OTOG: variants seen among roughly 807,000 people sequenced by gnomAD.
OTOG encodes otogelin.
OTOG carries 296 observed loss-of-function variants against 313.8 expected under a neutral mutation model. That is an observed-to-expected ratio of 0.94 (90% CI 0.86 to 1.04). OTOG has a LOEUF of 1.04. OTOG is among the 50% of genes least tolerant of loss of function. The pLI, the probability that OTOG is intolerant of heterozygous loss-of-function variation, is 0.00. For missense variants in OTOG, 3,948 were observed against 3,840.1 expected, an observed-to-expected ratio of 1.03 and a Z score of -0.74; for synonymous variants, 1,533 against 1,554.9, an observed-to-expected ratio of 0.99 and a Z score of 0.33.
chr11:17,570,227 C>T lies in OTOG; in HGVS notation c.1792C>T (p.Arg598Cys), dbSNP rs1852373944. 2 of 1,550,682 alleles carry T rather than the reference C, an allele frequency of 1.3e-6. No individual in the cohort carries two copies. The highest frequency in any genetic ancestry group is 1.7e-6 in the Non-Finnish European group (2 of 1,146,956). ...PPYTDDAFEI[R>C]RLSSVFLRVR... ...TCTGTGCCCAGATGCCTTTGAGATC[C>T]GTAGGCTGTCCTCCGTGTTCCTGCG... Residue 598 changes from arginine to cysteine, a missense_variant, in exon 17 of 56, where the codon CGT becomes TGT. Arg to Cys is a radical substitution (Grantham distance 180). Transcript: ENST00000399397.
At chr11:17,579,796 G>A (rs1176169962) in intron 23 of OTOG, among the ~76,000 whole-genome samples, 3 of 152,194 alleles carry the variant, frequency 2.0e-5, no homozygotes, top group Admixed American at 2.0e-4. Context: ...ACTGCCAAGA[G>A]TAGTAGCAAG....
intron 22 of OTOG, among the ~76,000 whole-genome samples, chr11:17,577,267 G>A (rs974630581): frequency 3.9e-5 from 6 of 152,198 alleles, no homozygotes; most frequent in African/African-American, 1.2e-4. Context: ...CTACTGAGGC[G>A]GACTCTGCCC....
chr11:17,553,001 G>T lies in OTOG; in HGVS notation c.293-118G>T, dbSNP rs951814730. Reference sequence around the variant, plus strand: ...CAGCTTGTGCTAGCTGCTGAGGAATGTTGGGGCTGGGGCTGCCTGTTATGG... The same window carrying T: ...CAGCTTGTGCTAGCTGCTGAGGAATTTTGGGGCTGGGGCTGCCTGTTATGG... On this transcript the variant is annotated intron_variant, in intron 4 of 55. Transcript: ENST00000399397. The T allele has an allele frequency of 4.9e-5, 43 of 880,894 alleles. 1 individual carries two copies. The South Asian group carries it at 5.0e-4, about 10-fold the overall frequency. The allele number at this position is 880,894 out of a possible 1,614,324, so 54.6% of individuals were successfully genotyped here.
rs1397705545 is a variant in OTOG at position 17,631,759 on chromosome 11, G to T, written c.6770G>T (p.Gly2257Val). 1 of 1,550,618 alleles carries T rather than the reference G, an allele frequency of 6.4e-7. No homozygotes were observed. ...ACCCTGAAGGATGGCTCAGTGGTGGGTGGGGCTGAGGACCCTGCTCCCTTT... is the reference window on the plus strand; with the variant it reads ...ACCCTGAAGGATGGCTCAGTGGTGGTTGGGGCTGAGGACCCTGCTCCCTTT... ...DLTLKDGSVVGGAEDPAPFLD... is the reference protein window; with the variant it reads ...DLTLKDGSVVVGAEDPAPFLD... The change falls in exon 41 of 56, where the codon GGT becomes GTT. Residue 2257 changes from glycine to valine, a missense_variant. Physicochemically the swap from Gly to Val is moderately radical, Grantham distance 109. Transcript: ENST00000399397.
At chr11:17,559,755 G>C in intron 12 of OTOG, 93 bp downstream of exon 12, 1 of 465,404 alleles carries the variant, frequency 2.1e-6, no homozygotes, top group Admixed American at 3.0e-5. Flanking sequence ...CCTGTTTGTG[G>C]AAGGAAGGAA....
At chr11:17,613,243 CTTTCTTTCTTTCTTTCTTTCTT>C (rs1565118969) in intron 38 of OTOG, among the ~76,000 whole-genome samples, 3 of 128,984 alleles carry the variant, frequency 2.3e-5, no homozygotes, top group African/African-American at 9.6e-5. Context: ...TTCTTTCTTT[CTTTCTTTCTTTCTTTCTTTCTT>C]TCTCTCTCTG....
At chr11:17,633,073 C>G (rs910290886) in intron 42 of OTOG, among the ~76,000 whole-genome samples, 3 of 152,082 alleles carry the variant, frequency 2.0e-5, no homozygotes, top group Admixed American at 1.3e-4. Flanking sequence ...TCCTAAATAC[C>G]CTTTGAAATC....
chr11:17,564,223 T>A (rs986147706), intron 15 of OTOG, among the ~76,000 whole-genome samples: 3 of 152,200 alleles, frequency 2.0e-5, no homozygotes, highest in African/African-American at 7.2e-5. Flanking sequence ...CCTGATCCTA[T>A]CTTCAGGCTC....
At chr11:17,568,392 A>G (rs1429477020) in intron 15 of OTOG, among the ~76,000 whole-genome samples, 1 of 152,178 alleles carries the variant, frequency 6.6e-6, no homozygotes, top group African/African-American at 2.4e-5. Flanking sequence ...GGCCTTTCCT[A>G]CCTCTGCAGA....
In OTOG at chr11:17,602,261, T is replaced by C; in HGVS notation, c.3761T>C (p.Leu1254Pro). Reference sequence around the variant, plus strand: ...TCCAGCTTGGCAGCCGGTGGTGCTCTGGTGGGCATGAAGGCGGTGGGCGAT... The same window carrying C: ...TCCAGCTTGGCAGCCGGTGGTGCTCCGGTGGGCATGAAGGCGGTGGGCGAT... ...QLSSLAAGGA[L>P]VGMKAVGDDI... Residue 1254 changes from leucine to proline, a missense_variant, in exon 32 of 56, where the codon CTG becomes CCG. By Grantham distance (98) the Leu-to-Pro change is moderately conservative. Coordinates refer to ENST00000399397, the MANE Select transcript of OTOG (RefSeq NM_001292063.2). 1 of 1,550,574 alleles carries C rather than the reference T, an allele frequency of 6.4e-7. No individual in the cohort carries two copies. The highest frequency in any genetic ancestry group is 8.7e-7 in the Non-Finnish European group (1 of 1,146,956).
chr11:17,612,183 G>T lies in OTOG; in HGVS notation c.6145G>T (p.Val2049Phe), dbSNP rs1438322234. ...TCVPIAEQDC[V>F]RHICLEGQLI... Reference sequence around the variant, plus strand: ...CCAGCCAATCGCCGAGCAGGACTGCGTCCGCCACATCTGCCTGGAGGGCCA... The same window carrying T: ...CCAGCCAATCGCCGAGCAGGACTGCTTCCGCCACATCTGCCTGGAGGGCCA... Residue 2049 changes from valine to phenylalanine, a missense_variant, in exon 37 of 56, where the codon GTC (valine) becomes TTC (phenylalanine). Coordinates refer to ENST00000399397, the MANE Select transcript of OTOG (RefSeq NM_001292063.2). The T allele has an allele frequency of 1.3e-6, 2 of 1,549,440 alleles. No homozygotes were observed. The highest frequency in any genetic ancestry group is 1.4e-5 in the African/African-American group (1 of 73,032).
chr11:17,608,961 C>T (rs555137780), intron 34 of OTOG, among the ~76,000 whole-genome samples, 169 bp from the exon 35 acceptor site: 1 of 152,240 alleles, frequency 6.6e-6, no homozygotes, highest in South Asian at 2.1e-4. Flanking sequence ...TGCTCCTGTA[C>T]ATGTGTGACA....
intron 38 of OTOG, among the ~76,000 whole-genome samples, chr11:17,613,203 C>CT (rs1481255851): frequency 1.1e-5 from 1 of 87,652 alleles, no homozygotes; most frequent in Admixed American, 1.1e-4. Flanking sequence ...TCTTTTCTTT[C>CT]TTTCTTTCTT....
intron 24 of OTOG, 105 bp from the exon 25 acceptor site, chr11:17,591,345 C>T (rs1489632275): frequency 2.7e-5 from 39 of 1,433,318 alleles, no homozygotes; most frequent in Non-Finnish European, 3.1e-5. Flanking sequence ...ACCTCTTTGC[C>T]GAGGGACACA....
intron 38 of OTOG, among the ~76,000 whole-genome samples, chr11:17,613,261 T>TTCTTTCTTTCTTTCTTTCTC (rs1554975584): frequency 7.4e-6 from 1 of 134,998 alleles, no homozygotes; most frequent in African/African-American, 3.1e-5. Flanking sequence ...CTTTCTTTCT[T>TTCTTTCTTTCTTTCTTTCTC]TCTTTCTCTC....
intron 30 of OTOG, among the ~76,000 whole-genome samples, chr11:17,598,853 G>A (rs1201181725): frequency 1.3e-5 from 2 of 152,204 alleles, no homozygotes; most frequent in Non-Finnish European, 2.9e-5. Flanking sequence ...GCCACATGGC[G>A]GGCCTGTCTC....
chr11:17,622,798 G>A (rs1853896107), intron 39 of OTOG, among the ~76,000 whole-genome samples: 1 of 152,222 alleles, frequency 6.6e-6, no homozygotes, highest in South Asian at 2.1e-4. Flanking sequence ...ATCGTGAACA[G>A]TGCTGCAACA....
At position 17,614,434 on chromosome 11, in the gene OTOG, A is replaced by T. The variant is rs538922194; in HGVS notation, c.6528+733A>T. 9.2e-5 allele frequency among the ~76,000 whole-genome samples: 14 copies of T among 152,334 alleles called. No homozygotes were observed. In the East Asian group the frequency reaches 2.5e-3, roughly 27 times the overall value. Reference sequence around the variant, plus strand: ...GTTTCTTAGTTTATAAAATTTTTCCATTAAAAAATTAACATATAATCTACA... The same window carrying T: ...GTTTCTTAGTTTATAAAATTTTTCCTTTAAAAAATTAACATATAATCTACA... On this transcript the variant is annotated intron_variant, in intron 39 of 55. Coordinates refer to ENST00000399397, the MANE Select transcript of OTOG (RefSeq NM_001292063.2).
At chr11:17,619,492 T>C (rs889880358) in intron 39 of OTOG, among the ~76,000 whole-genome samples, 5 of 152,220 alleles carry the variant, frequency 3.3e-5, no homozygotes, top group Admixed American at 6.5e-5. Flanking sequence ...TTTTTTGCCT[T>C]CTTTGGATTG....
Sources: gnomAD v4.1 joint callset for allele counts (sites outside exome capture counted in the v4.1 genomes callset) on GRCh38, gnomAD v4.1.1 for gene constraint, MANE v1.5 for transcripts, NCBI Gene and HGNC (gene_info 2026-07-23, HGNC 2026-07-21) for gene names.